The following SLC7A5 variants were observed in gnomAD, a reference collection of about 807,000 sequenced individuals.
SLC7A5 encodes solute carrier family 7 member 5, also known as large neutral amino acids transporter small subunit 1.
A neutral mutation model predicts 50.2 loss-of-function variants in SLC7A5; 23 were observed. The ratio of observed to expected loss-of-function variants is 0.46; its 90% CI spans 0.33 to 0.65. The LOEUF is 0.65. SLC7A5 is among the 30% of genes least tolerant of loss of function. The probability of loss-of-function intolerance (pLI) is 0.02; values close to 1 mark genes in which losing one functional copy is unlikely to be tolerated. For missense variants in SLC7A5, 578 were observed against 684.4 expected (o/e 0.84, Z 1.73); for synonymous variants, 393 against 330.6 (o/e 1.19, Z -2.05).
intron 2 of SLC7A5, among the ~76,000 whole-genome samples, chr16:87,848,681 G>A (rs2055182751): frequency 6.6e-6 from 1 of 152,178 alleles, no homozygotes; most frequent in Admixed American, 6.5e-5. Flanking sequence ...CGCATCTCAG[G>A]AAAGGCCCAA....
chr16:87,853,235 A>G lies in SLC7A5; in HGVS notation c.539-1386T>C, dbSNP rs964428715. ...CAATGTAAGCAACAGACCCCGAGGA[A>G]AGACATCCATGCTAATTAACTAATG... On this transcript the variant is annotated intron_variant, in intron 1 of 9. Coordinates refer to ENST00000261622, the MANE Select transcript of SLC7A5 (RefSeq NM_003486.7). This position sits in a 1 kb window ranked among gnomAD's most constrained non-coding sequence, Gnocchi z 4.4. Among the ~76,000 whole-genome samples the G allele has an allele frequency of 6.6e-5, 10 of 152,216 alleles. No homozygotes were observed. The highest frequency in any genetic ancestry group is 1.3e-4 in the Non-Finnish European group (9 of 68,036).
At chr16:87,857,525 C>T (rs1195334268) in intron 1 of SLC7A5, among the ~76,000 whole-genome samples, 17 of 152,236 alleles carry the variant, frequency 1.1e-4, no homozygotes, top group Non-Finnish European at 2.2e-4. Flanking sequence ...TCAGGCGATC[C>T]GCCCACCTTG....
chr16:87,851,642 G>A (rs539392075), intron 2 of SLC7A5, 82 bp downstream of exon 2: 59 of 1,535,410 alleles, frequency 3.8e-5, no homozygotes, highest in African/African-American at 1.1e-4. Context: ...GGAGGCACCC[G>A]GGGACGGGAC....
rs755815765 is a variant in SLC7A5, at chr16:87,851,869, CG to C, written c.539-21del. The C allele has an allele frequency of 3.1e-6, 5 of 1,612,434 alleles. No homozygotes were observed. Among genetic ancestry groups the C allele is most frequent in the Non-Finnish European group, 4.2e-6 (5 of 1,179,924 alleles). On this transcript the variant is annotated intron_variant, in intron 1 of 9. Transcript: ENST00000261622. Reference sequence around the variant, plus strand: ...GCAGCACTGTGGAGACAGAGGGCAGCGGTGAGTTCCACGGGCAGACAGACGC... The same window carrying C: ...GCAGCACTGTGGAGACAGAGGGCAGCGTGAGTTCCACGGGCAGACAGACGC...
Position 87,869,385 on chromosome 16 carries a change from G to A in SLC7A5, c.38C>T (p.Ala13Val), listed in dbSNP as rs2055505090. The A allele has an allele frequency of 1.2e-5, 19 of 1,580,678 alleles. No homozygotes were observed. Among genetic ancestry groups the A allele is most frequent in the Non-Finnish European group, 1.5e-5 (18 of 1,168,224 alleles). ...CTCTTCCTTCTCCTCGGCCGCCGGC[G>A]CCGCTAGCGCGCGCCGCTTCGGGCC... ...GAGPKRRALA[A>V]PAAEEKEEAR... Residue 13 changes from alanine to valine, a missense_variant, in exon 1 of 10, where the codon GCG becomes GTG. By Grantham distance (64) the Ala-to-Val change is moderately conservative. Around this residue, in one of 2 missense-constraint regions of SLC7A5, gnomAD observed 113 missense variants for 89.8 expected, o/e 1.26. Coordinates refer to ENST00000261622, the MANE Select transcript of SLC7A5 (RefSeq NM_003486.7).
rs2055085947 is a variant in SLC7A5 at position 87,841,761 on chromosome 16, G to A, written c.665-606C>T. 6.6e-6 allele frequency among the ~76,000 whole-genome samples: 1 copy of A among 152,252 alleles called. No homozygotes were observed. Among genetic ancestry groups the A allele is most frequent in the Non-Finnish European group, 1.5e-5 (1 of 68,044 alleles). The stretch of plus-strand genomic sequence containing the variant: ...CAGGGCCGAGAACGATCCCCGTGCT[G>A]TGTGCAGAGCTCTCTCCTTTGCCCT... On this transcript the variant is annotated intron_variant, in intron 2 of 9. Transcript: ENST00000261622. The surrounding 1 kb of genome is among the most constrained non-coding windows in gnomAD (Gnocchi z 4.8).
Position 87,862,967 on chromosome 16 carries a change from C to G in SLC7A5, c.538+5918G>C, listed in dbSNP as rs866835775. Among the ~76,000 whole-genome samples the G allele has an allele frequency of 6.6e-6, 1 of 152,216 alleles. No homozygotes were observed. The highest frequency in any genetic ancestry group is 1.5e-5 in the Non-Finnish European group (1 of 68,036). ...ATGAGGCCAGGTGTCCTCAGCCACC[C>G]GCAGCCAGAGTCCCGCGAGACCGAC... On this transcript the variant is annotated intron_variant, in intron 1 of 9. Transcript: ENST00000261622. The surrounding 1 kb of genome is among the most constrained non-coding windows in gnomAD (Gnocchi z 5.3).
At chr16:87,856,919 A>C (rs1359748354) in intron 1 of SLC7A5, among the ~76,000 whole-genome samples, 1 of 152,234 alleles carries the variant, frequency 6.6e-6, no homozygotes, top group African/African-American at 2.4e-5. Flanking sequence ...ACATCTGCAC[A>C]GAACAAGGTC....
chr16:87,848,025 G>C (rs1188034679), intron 2 of SLC7A5, among the ~76,000 whole-genome samples: 1 of 152,178 alleles, frequency 6.6e-6, no homozygotes, highest in Non-Finnish European at 1.5e-5. Context: ...GCCGGGGTCT[G>C]AGCCCTGCCC....
In SLC7A5 at chr16:87,852,875, C is replaced by A. The variant is rs2055255715; in HGVS notation, c.539-1026G>T. ...GTAAAATCATATTAATCCCGAGGCA[C>A]TGACTCCACGACACCCCTCACTGCC... On this transcript the variant is annotated intron_variant, in intron 1 of 9. Transcript: ENST00000261622. This position sits in a 1 kb window ranked among gnomAD's most constrained non-coding sequence, Gnocchi z 4.5. Among the ~76,000 whole-genome samples, 1 of 152,124 alleles carries A rather than the reference C, an allele frequency of 6.6e-6. No individual in the cohort carries two copies. Among genetic ancestry groups the A allele is most frequent in the Non-Finnish European group, 1.5e-5 (1 of 68,028 alleles).
rs2055415493 is a variant in SLC7A5 at position 87,862,800 on chromosome 16, G to A, written c.538+6085C>T. 1.3e-5 allele frequency among the ~76,000 whole-genome samples: 2 copies of A among 152,218 alleles called. No individual in the cohort carries two copies. The highest frequency in any genetic ancestry group is 4.1e-4 in the South Asian group (2 of 4,832). ...GGCCAGGTGGATTTCTCAAAGCCTTGGTTGCTTTTGGCCTGATGCTAGCTG... is the reference window on the plus strand; with the variant it reads ...GGCCAGGTGGATTTCTCAAAGCCTTAGTTGCTTTTGGCCTGATGCTAGCTG... On this transcript the variant is annotated intron_variant, in intron 1 of 9. Transcript: ENST00000261622. This position sits in a 1 kb window ranked among gnomAD's most constrained non-coding sequence, Gnocchi z 5.3.
Position 87,859,913 on chromosome 16 carries a change from A to AAAAACAAAAC in SLC7A5, c.539-8074_539-8065dup, listed in dbSNP as rs60586708. ...GCCACTGCACTCCAGCCTGGGTGAC[A>AAAAACAAAAC]AAAACAAAACAAAACAAAACAAAAC... On this transcript the variant is annotated intron_variant, in intron 1 of 9. Transcript: ENST00000261622. Among the ~76,000 whole-genome samples, 942 of 151,138 alleles carry AAAAACAAAAC rather than the reference A, an allele frequency of 6.2e-3. 5 individuals are homozygous for AAAAACAAAAC. Among genetic ancestry groups the AAAAACAAAAC allele is most frequent in the South Asian group, 0.016 (75 of 4,732 alleles).
Position 87,868,813 on chromosome 16 carries a change from G to A in SLC7A5, c.538+72C>T, listed in dbSNP as rs1268235420. 8.6e-5 allele frequency: 122 copies of A among 1,416,910 alleles called. 1 individual carries two copies. Among genetic ancestry groups the A allele is most frequent in the Non-Finnish European group, 1.1e-4 (116 of 1,026,114 alleles). 87.8% of individuals were successfully genotyped at this position (1,416,910 alleles called of 1,614,324 possible). ...AGATGTAGAGATGTGGGAGCCAGGG[G>A]CGTAGTGATGCAAGGATGCAGGGAC... On this transcript the variant is annotated intron_variant, in intron 1 of 9. Coordinates refer to ENST00000261622, the MANE Select transcript of SLC7A5 (RefSeq NM_003486.7).
chr16:87,853,272 G>A lies in SLC7A5; in HGVS notation c.539-1423C>T, dbSNP rs577581120. The stretch of plus-strand genomic sequence containing the variant: ...CTAATTAACTAATGACACCGGAAAC[G>A]TCCTGAGGTGCGGGACGGGCTGCCG... On this transcript the variant is annotated intron_variant, in intron 1 of 9. Coordinates refer to ENST00000261622, the MANE Select transcript of SLC7A5 (RefSeq NM_003486.7). This position sits in a 1 kb window ranked among gnomAD's most constrained non-coding sequence, Gnocchi z 4.4. Among the ~76,000 whole-genome samples the A allele has an allele frequency of 7.2e-5, 11 of 152,346 alleles. No homozygotes were observed. Among genetic ancestry groups the A allele is most frequent in the East Asian group, 3.9e-4 (2 of 5,190 alleles).
At position 87,830,370 on chromosome 16, in the gene SLC7A5, C is replaced by T. The variant is rs1355300798; in HGVS notation, c.*2600G>A. The T allele has an allele frequency of 1.3e-5, 2 of 152,250 alleles. No individual in the cohort carries two copies. The highest frequency in any genetic ancestry group is 4.8e-5 in the African/African-American group (2 of 41,472). 9.4% of individuals were successfully genotyped at this position (152,250 alleles called of 1,614,324 possible). On this transcript the variant is annotated 3_prime_UTR_variant, in exon 10 of 10. Coordinates refer to ENST00000261622, the MANE Select transcript of SLC7A5 (RefSeq NM_003486.7). ...AGCACAACGACTGAAAATGCACTTG[C>T]TTGTTGTGGTGGGTTGTGCTTGAAA... is the stretch of plus-strand genomic sequence containing the variant.
intron 1 of SLC7A5, among the ~76,000 whole-genome samples, chr16:87,858,107 G>A (rs543778684): frequency 2.6e-4 from 40 of 152,276 alleles, no homozygotes; most frequent in Admixed American, 1.4e-3. Context: ...GGGCTGACAG[G>A]AAGGGCCACC....
At chr16:87,837,258 G>A (rs2055019077) in intron 7 of SLC7A5, among the ~76,000 whole-genome samples, 1 of 151,932 alleles carries the variant, frequency 6.6e-6, no homozygotes, top group South Asian at 2.1e-4. Flanking sequence ...TGTGCTCAGG[G>A]GTGGGGCCTG....
intron 7 of SLC7A5, 24 bp from the exon 8 acceptor site, chr16:87,836,671 G>T: frequency 1.2e-6 from 2 of 1,609,180 alleles, no homozygotes; most frequent in South Asian, 1.1e-5. Context: ...GCGGCTGGCT[G>T]AGCCCTGGGG....
intron 5 of SLC7A5, 55 bp from the exon 6 acceptor site, chr16:87,838,872 T>A: frequency 1.5e-6 from 2 of 1,317,942 alleles, no homozygotes; most frequent in Non-Finnish European, 2.2e-6. Context: ...TCGCCCTCCC[T>A]GTGCTCACTG....
Sources: allele counts gnomAD v4.1 joint callset (sites outside exome capture counted in the v4.1 genomes callset), GRCh38; gene constraint gnomAD v4.1.1; regional missense constraint gnomAD v4.1.1; non-coding constraint Gnocchi (gnomAD v3.1); transcripts MANE v1.5; gene names NCBI Gene and HGNC (gene_info 2026-07-23, HGNC 2026-07-21).